The following SYN3 variants were observed in gnomAD, a reference collection of about 807,000 sequenced individuals.
SYN3 encodes synapsin-3.
A neutral mutation model predicts 65.8 loss-of-function variants in SYN3; 35 were observed. The ratio of observed to expected loss-of-function variants is 0.53; its 90% CI spans 0.41 to 0.70. SYN3 has a LOEUF of 0.70. Among genes scored for constraint, SYN3 ranks in the 30% least tolerant of loss-of-function variants. SYN3 has a pLI of 0.00. For missense variants in SYN3, 680 were observed against 749.0 expected, an observed-to-expected ratio of 0.91 and a Z score of 1.08; for synonymous variants, 270 against 292.9, an observed-to-expected ratio of 0.92 and a Z score of 0.80.
intron 4 of SYN3, among the ~76,000 whole-genome samples, chr22:32,930,757 G>A (rs1373462686): frequency 6.6e-6 from 1 of 152,092 alleles, no homozygotes; most frequent in East Asian, 1.9e-4. Context: ...TAACTAGATA[G>A]CAATGTATTC....
chr22:32,750,268 C>G (rs1310522842), intron 6 of SYN3, among the ~76,000 whole-genome samples: 1 of 152,180 alleles, frequency 6.6e-6, no homozygotes, highest in Non-Finnish European at 1.5e-5. Context: ...CAGGGAAGCC[C>G]TCTATGAGAA....
Position 32,757,446 on chromosome 22 carries a change from C to T in SYN3, c.711+107469G>A, listed in dbSNP as rs566623293. Among the ~76,000 whole-genome samples the T allele has an allele frequency of 1.8e-3, 281 of 152,114 alleles. 1 individual carries two copies. The highest frequency in any genetic ancestry group is 6.4e-3 in the African/African-American group (264 of 41,470). On this transcript the variant is annotated intron_variant, in intron 6 of 13. Transcript: ENST00000358763. ...CTGAGTGGCTGGGATTACAGCGGTGCGCCACCACGCCCAGCTAATTTTGTA... is the reference window on the plus strand; with the variant it reads ...CTGAGTGGCTGGGATTACAGCGGTGTGCCACCACGCCCAGCTAATTTTGTA...
intron 7 of SYN3, among the ~76,000 whole-genome samples, chr22:32,580,732 G>T (rs1351994570): frequency 2.0e-5 from 3 of 152,188 alleles, no homozygotes; most frequent in Non-Finnish European, 1.5e-5. Flanking sequence ...ATTCATTTAC[G>T]TATTGTCTGT....
chr22:32,791,048 C>T (rs2046313892), intron 6 of SYN3, among the ~76,000 whole-genome samples: 1 of 152,192 alleles, frequency 6.6e-6, no homozygotes, highest in African/African-American at 2.4e-5. Flanking sequence ...ATCTCCACCA[C>T]AGATTAACTG....
intron 2 of SYN3, among the ~76,000 whole-genome samples, chr22:32,998,056 T>A (rs1195818890): frequency 6.7e-6 from 1 of 149,662 alleles, no homozygotes; most frequent in Non-Finnish European, 1.5e-5. Context: ...ATGCCACCAA[T>A]GTCATTCCTC....
At position 32,510,620 on chromosome 22, in the gene SYN3, C is replaced by T. The variant is rs193276688; in HGVS notation, c.*3072G>A. On this transcript the variant is annotated 3_prime_UTR_variant, in exon 14 of 14. Coordinates refer to ENST00000358763, the MANE Select transcript of SYN3 (RefSeq NM_003490.4). ...TTATTAATATTTGAAAGGTCTACCC[C>T]TGAGTAAGGAGGGTGGATATATATT... Among the ~76,000 whole-genome samples the T allele has an allele frequency of 3.3e-3, 501 of 152,258 alleles. 6 individuals are homozygous for T. Among genetic ancestry groups the T allele is most frequent in the African/African-American group, 8.2e-3 (340 of 41,548 alleles).
intron 6 of SYN3, chr22:32,859,746 C>T: frequency 3.6e-6 from 1 of 275,136 alleles, no homozygotes; most frequent in Non-Finnish European, 7.0e-6. Context: ...CTTGCTTCTT[C>T]CCCACCTCAC....
At chr22:32,740,213 C>T (rs2061387482) in intron 6 of SYN3, among the ~76,000 whole-genome samples, 2 of 152,176 alleles carry the variant, frequency 1.3e-5, no homozygotes, top group African/African-American at 2.4e-5. Context: ...CAATTTGGTG[C>T]TTGTTCATTC....
At chr22:32,697,048 C>G (rs1448286532) in intron 6 of SYN3, among the ~76,000 whole-genome samples, 1 of 152,186 alleles carries the variant, frequency 6.6e-6, no homozygotes, top group African/African-American at 2.4e-5. Context: ...AGGTAGCCAG[C>G]TGCCCTATCA....
intron 4 of SYN3, among the ~76,000 whole-genome samples, chr22:32,880,432 G>A (rs907456242): frequency 6.6e-6 from 1 of 152,216 alleles, no homozygotes; most frequent in East Asian, 1.9e-4. Context: ...TGGTCTACAG[G>A]GGGGCTCTGG....
At chr22:32,814,725 C>T (rs984020160) in intron 6 of SYN3, among the ~76,000 whole-genome samples, 10 of 152,218 alleles carry the variant, frequency 6.6e-5, no homozygotes, top group East Asian at 5.8e-4. Context: ...ACAAATAGTT[C>T]GAATTCCTTC....
intron 6 of SYN3, among the ~76,000 whole-genome samples, chr22:32,601,030 T>C (rs991517655): frequency 6.6e-6 from 1 of 152,164 alleles, no homozygotes; most frequent in African/African-American, 2.4e-5. Context: ...TTGCAGGTGA[T>C]TGCTGAACAG....
intron 9 of SYN3, 71 bp from the exon 10 acceptor site, chr22:32,533,966 G>T: frequency 2.0e-6 from 2 of 1,007,498 alleles, no homozygotes; most frequent in Non-Finnish European, 1.5e-6. Flanking sequence ...GAGAGAAGTG[G>T]ATTCACATGG....
At chr22:32,727,935 T>G (rs1348182558) in intron 6 of SYN3, among the ~76,000 whole-genome samples, 2 of 152,188 alleles carry the variant, frequency 1.3e-5, no homozygotes, top group Non-Finnish European at 2.9e-5. Flanking sequence ...GGGAGATACC[T>G]GTATACCTAC....
chr22:32,779,317 G>A (rs960478593), intron 6 of SYN3, among the ~76,000 whole-genome samples: 1 of 152,056 alleles, frequency 6.6e-6, no homozygotes, highest in East Asian at 1.9e-4. Context: ...CAAATTAGCC[G>A]GGCATGATGG....
At chr22:32,764,024 G>C (rs2045559831) in intron 6 of SYN3, among the ~76,000 whole-genome samples, 1 of 149,266 alleles carries the variant, frequency 6.7e-6, no homozygotes, top group African/African-American at 2.5e-5. Flanking sequence ...TGCAACCTCT[G>C]CCTCCCGGAT....
chr22:32,793,614 A>G (rs569024120), intron 6 of SYN3, among the ~76,000 whole-genome samples: 8 of 152,276 alleles, frequency 5.3e-5, no homozygotes, highest in African/African-American at 1.9e-4. Context: ...CATTCTGCCA[A>G]TGTTTGGTGA....
chr22:32,519,841 C>A (rs971408517), intron 12 of SYN3, among the ~76,000 whole-genome samples: 17 of 152,092 alleles, frequency 1.1e-4, no homozygotes, highest in Non-Finnish European at 2.9e-5. Flanking sequence ...TTTGAGAGCA[C>A]CGTAGGCACG....
chr22:32,588,343 G>A (rs1215811835), intron 7 of SYN3, among the ~76,000 whole-genome samples: 2 of 152,294 alleles, frequency 1.3e-5, no homozygotes, highest in Admixed American at 1.3e-4. Flanking sequence ...ATGAAATAAG[G>A]ATAAGATGAC....
Sources: gnomAD v4.1 joint callset for allele counts (sites outside exome capture counted in the v4.1 genomes callset) on GRCh38, gnomAD v4.1.1 for gene constraint, MANE v1.5 for transcripts, NCBI Gene and HGNC (gene_info 2026-07-23, HGNC 2026-07-21) for gene names.